TEAD1: variants seen among roughly 807,000 people sequenced by gnomAD.
The protein encoded by TEAD1 is TEA domain transcription factor 1.
A neutral mutation model predicts 54.9 loss-of-function variants in TEAD1; 9 were observed. The ratio of observed to expected loss-of-function variants is 0.16; its 90% confidence interval spans 0.10 to 0.29. The LOEUF (loss-of-function observed/expected upper bound fraction) is 0.29. Ranked by LOEUF, TEAD1 falls within the 10% of genes least tolerant of loss-of-function variation. The pLI is 1.00. For synonymous variants in TEAD1, 200 were observed against 187.8 expected (o/e 1.07, Z -0.53); for missense variants, 387 against 535.9 (o/e 0.72, Z 2.74).
Position 12,800,434 on chromosome 11 carries a change from T to C in TEAD1, c.202+36000T>C, listed in dbSNP as rs564879279. ...GAGAGAAATACAAATTAGATAAGGC[T>C]TCTGCTCTTGGATAGTTCTCATACC... On this transcript the variant is annotated intron_variant, in intron 3 of 12. Transcript: ENST00000527636. Among the ~76,000 whole-genome samples the C allele has an allele frequency of 2.0e-5, 3 of 152,352 alleles. No homozygotes were observed. In the East Asian group the frequency reaches 5.8e-4, roughly 29 times the overall value.
At chr11:12,783,133 T>TGTGTGTGTGC (rs1198828193) in intron 3 of TEAD1, among the ~76,000 whole-genome samples, 2 of 145,496 alleles carry the variant, frequency 1.4e-5, no homozygotes, top group African/African-American at 5.4e-5. Context: ...TGTGTGTGTG[T>TGTGTGTGTGC]GCGCGCACTT....
At chr11:12,773,442 A>G (rs571569792) in intron 3 of TEAD1, among the ~76,000 whole-genome samples, 1 of 152,116 alleles carries the variant, frequency 6.6e-6, no homozygotes, top group Non-Finnish European at 1.5e-5. Context: ...TGTCATCACC[A>G]TTGTTTATTT....
chr11:12,845,668 G>T (rs1330381378), intron 3 of TEAD1, among the ~76,000 whole-genome samples: 4 of 152,200 alleles, frequency 2.6e-5, no homozygotes, highest in South Asian at 4.1e-4. Flanking sequence ...CCGTACTGTT[G>T]TTGTAAAACA....
intron 3 of TEAD1, among the ~76,000 whole-genome samples, chr11:12,777,895 G>T (rs11022499): frequency 1.3e-5 from 2 of 152,158 alleles, no homozygotes; most frequent in South Asian, 2.1e-4. Flanking sequence ...TTGAACATAC[G>T]CATTGTGATA....
chr11:12,901,940 T>C lies in TEAD1; in HGVS notation c.700T>C (p.Tyr234His), dbSNP rs754587816. 1 of 1,614,198 alleles carries C rather than the reference T, an allele frequency of 6.2e-7. No individual in the cohort carries two copies. Among genetic ancestry groups the C allele is most frequent in the Non-Finnish European group, 8.5e-7 (1 of 1,180,030 alleles). Residue 234 changes from tyrosine to histidine, a missense_variant and splice_region_variant, in exon 10 of 13, where the codon TAC becomes CAC. By Grantham distance (83) the Tyr-to-His change is moderately conservative. Around this residue, in one of 5 missense-constraint regions of TEAD1, gnomAD observed 180 missense variants for 180.6 expected, o/e 1.00. Coordinates refer to ENST00000527636, the MANE Select transcript of TEAD1 (RefSeq NM_021961.6). ...GAATGTTTCTGTTGGTTTCTTACAG[T>C]ACAACAAACACCTCTTCGTGCACAT...
chr11:12,843,323 A>G (rs987932716), intron 3 of TEAD1, among the ~76,000 whole-genome samples: 3 of 152,228 alleles, frequency 2.0e-5, no homozygotes, highest in Admixed American at 6.5e-5. Context: ...ATGTCACACT[A>G]AAGTAGAAAG....
intron 3 of TEAD1, among the ~76,000 whole-genome samples, chr11:12,825,336 C>T (rs147175539): frequency 1.7e-3 from 254 of 152,332 alleles, no homozygotes; most frequent in African/African-American, 5.7e-3. Flanking sequence ...TAAAGGAACA[C>T]ATGCCCAATC....
At chr11:12,702,315 C>T (rs116605334) in intron 2 of TEAD1, among the ~76,000 whole-genome samples, 3,820 of 152,218 alleles carry the variant, frequency 0.025, 144 homozygotes, top group African/African-American at 0.088. Flanking sequence ...CTGAGAACAT[C>T]GTGGACAACG....
At chr11:12,836,161 C>T (rs1946887006) in intron 3 of TEAD1, among the ~76,000 whole-genome samples, 1 of 152,242 alleles carries the variant, frequency 6.6e-6, no homozygotes, top group African/African-American at 2.4e-5. Flanking sequence ...TGGCTCACGC[C>T]TGTAATCCCA....
chr11:12,840,425 G>T (rs892145978), intron 3 of TEAD1, among the ~76,000 whole-genome samples: 1 of 152,110 alleles, frequency 6.6e-6, no homozygotes, highest in African/African-American at 2.4e-5. Context: ...ATTCAGTGTT[G>T]TGCTGGTAAA....
chr11:12,932,066 A>T (rs1949021318), intron 12 of TEAD1, among the ~76,000 whole-genome samples: 1 of 152,312 alleles, frequency 6.6e-6, no homozygotes, highest in East Asian at 1.9e-4. Flanking sequence ...TTTGCATATA[A>T]TTTTCGTTTG....
intron 5 of TEAD1, among the ~76,000 whole-genome samples, chr11:12,868,787 G>A (rs1947678924): frequency 6.6e-6 from 1 of 152,222 alleles, no homozygotes. Flanking sequence ...AGGTCCTTTT[G>A]TAGACGTTGG....
At chr11:12,760,730 G>A (rs548763495) in intron 2 of TEAD1, among the ~76,000 whole-genome samples, 1 of 152,276 alleles carries the variant, frequency 6.6e-6, no homozygotes, top group Non-Finnish European at 1.5e-5. Flanking sequence ...TTCTCCTACA[G>A]CGTGGTTGAT....
At chr11:12,684,648 A>G (rs1322305823) in intron 2 of TEAD1, among the ~76,000 whole-genome samples, 1 of 152,106 alleles carries the variant, frequency 6.6e-6, no homozygotes, top group Non-Finnish European at 1.5e-5. Context: ...GGATGATGTT[A>G]TCTACTTGGA....
chr11:12,851,076 CAA>C, intron 3 of TEAD1: 13 of 983,486 alleles, frequency 1.3e-5, no homozygotes, highest in Non-Finnish European at 1.6e-5. Flanking sequence ...TTTCTTTATA[CAA>C]AAGAGGTGAG....
chr11:12,886,775 T>C (rs1406568520), intron 9 of TEAD1, among the ~76,000 whole-genome samples: 1 of 152,028 alleles, frequency 6.6e-6, no homozygotes, highest in African/African-American at 2.4e-5. Context: ...GGACTACAGT[T>C]ATGCACTGCC....
intron 3 of TEAD1, among the ~76,000 whole-genome samples, chr11:12,839,665 G>T (rs1449089863): frequency 5.3e-5 from 8 of 152,164 alleles, no homozygotes; most frequent in Admixed American, 4.6e-4. Context: ...TGTGGCGGGG[G>T]TTATCAGAGC....
intron 3 of TEAD1, among the ~76,000 whole-genome samples, chr11:12,807,964 A>T (rs1376764272): frequency 6.6e-6 from 1 of 152,214 alleles, no homozygotes; most frequent in Non-Finnish European, 1.5e-5. Flanking sequence ...TTTGTTGCTT[A>T]TCCGCAAAGT....
At chr11:12,697,687 A>T (rs1178686650) in intron 2 of TEAD1, among the ~76,000 whole-genome samples, 1 of 152,182 alleles carries the variant, frequency 6.6e-6, no homozygotes, top group Non-Finnish European at 1.5e-5. Flanking sequence ...TGTGCTTTAA[A>T]TTGAGAGGGG....
Sources: gnomAD v4.1 joint callset for allele counts (sites outside exome capture counted in the v4.1 genomes callset) on GRCh38, gnomAD v4.1.1 for gene constraint, gnomAD v4.1.1 regional missense constraint, MANE v1.5 for transcripts, NCBI Gene and HGNC (gene_info 2026-07-23, HGNC 2026-07-21) for gene names.